The following RAB27B variants were observed in gnomAD, a reference collection of about 807,000 sequenced individuals.
RAB27B encodes the protein ras-related protein Rab-27B.
RAB27B carries 15 observed loss-of-function variants against 24.6 expected under a neutral mutation model. That is an observed-to-expected ratio of 0.61 (90% CI 0.41 to 0.94). The LOEUF is 0.94. Ranked by LOEUF, RAB27B falls within the 40% of genes least tolerant of loss-of-function variation. RAB27B has a pLI of 0.00. For synonymous variants in RAB27B, 105 were observed against 92.5 expected (o/e 1.14, Z -0.78); for missense variants, 261 against 266.8 (o/e 0.98, Z 0.15).
intron 2 of RAB27B, among the ~76,000 whole-genome samples, chr18:54,794,581 GT>G (rs1280096937): frequency 2.6e-5 from 4 of 152,190 alleles, no homozygotes; most frequent in African/African-American, 9.7e-5. Flanking sequence ...ATACTGATGT[GT>G]GTATTTGATC....
chr18:54,867,550 G>A (rs1011548400), intron 1 of RAB27B, among the ~76,000 whole-genome samples: 1 of 148,468 alleles, frequency 6.7e-6, no homozygotes, highest in African/African-American at 2.5e-5. Context: ...GGGTTCAAGC[G>A]ATTCTTCTGC....
intron 1 of RAB27B, among the ~76,000 whole-genome samples, chr18:54,845,329 C>A (rs1413954798): frequency 1.3e-5 from 2 of 149,168 alleles, no homozygotes; most frequent in African/African-American, 4.9e-5. Flanking sequence ...ATCACTTAAA[C>A]CCAGGAGACA....
chr18:54,861,045 A>G (rs1025795946), intron 1 of RAB27B, among the ~76,000 whole-genome samples: 2 of 152,194 alleles, frequency 1.3e-5, no homozygotes, highest in Non-Finnish European at 2.9e-5. Flanking sequence ...ATTTTCATAG[A>G]TATTTGCCTA....
intron 2 of RAB27B, among the ~76,000 whole-genome samples, chr18:54,738,236 T>A (rs575133369): frequency 1.3e-5 from 2 of 152,312 alleles, no homozygotes; most frequent in East Asian, 3.9e-4. Context: ...CACATAAGAA[T>A]AACTGGAAAA....
At chr18:54,784,354 A>T (rs1909012987) in intron 2 of RAB27B, among the ~76,000 whole-genome samples, 1 of 152,132 alleles carries the variant, frequency 6.6e-6, no homozygotes, top group African/African-American at 2.4e-5. Flanking sequence ...TTACATGGGT[A>T]TATTACATGA....
chr18:54,836,679 C>T (rs936542130), intron 1 of RAB27B, among the ~76,000 whole-genome samples: 1 of 151,846 alleles, frequency 6.6e-6, no homozygotes, highest in African/African-American at 2.4e-5. Flanking sequence ...ACTTATTTTT[C>T]AGGAATCATG....
At position 54,882,597 on chromosome 18, in the gene RAB27B, T is replaced by G. The variant is rs186666480; in HGVS notation, c.240-1736T>G. Among the ~76,000 whole-genome samples, 69 of 152,268 alleles carry G rather than the reference T, an allele frequency of 4.5e-4. 1 individual carries two copies. Among genetic ancestry groups the G allele is most frequent in the African/African-American group, 1.4e-3 (58 of 41,550 alleles). The stretch of plus-strand genomic sequence containing the variant: ...TATTTGCTCATGCACAATGTATGAG[T>G]GAGTGCTATCCAGGCTCAACGAAGG... On this transcript the variant is annotated intron_variant, in intron 3 of 5. Transcript: ENST00000262094.
At chr18:54,851,796 G>T (rs761026505) in intron 1 of RAB27B, among the ~76,000 whole-genome samples, 1 of 151,952 alleles carries the variant, frequency 6.6e-6, no homozygotes, top group African/African-American at 2.4e-5. Flanking sequence ...TTGGGCAACA[G>T]TATTTTTTTC....
intron 2 of RAB27B, among the ~76,000 whole-genome samples, chr18:54,774,997 C>T (rs918734826): frequency 2.6e-5 from 4 of 152,078 alleles, no homozygotes; most frequent in African/African-American, 9.7e-5. Context: ...TGAATAAACA[C>T]AAAAAAAGCC....
At chr18:54,846,708 T>G (rs1368875257) in intron 1 of RAB27B, among the ~76,000 whole-genome samples, 1 of 152,228 alleles carries the variant, frequency 6.6e-6, no homozygotes, top group Non-Finnish European at 1.5e-5. Context: ...AAAGCAAATA[T>G]ATCAGATTTT....
intron 3 of RAB27B, among the ~76,000 whole-genome samples, chr18:54,883,390 G>A (rs534668357): frequency 6.6e-6 from 1 of 152,230 alleles, no homozygotes; most frequent in East Asian, 1.9e-4. Flanking sequence ...GGCTAAAATA[G>A]GAGACCAAAA....
At chr18:54,850,676 T>G (rs1289534850) in intron 1 of RAB27B, among the ~76,000 whole-genome samples, 4 of 151,536 alleles carry the variant, frequency 2.6e-5, no homozygotes, top group Non-Finnish European at 4.4e-5. Context: ...TCAGAATGTA[T>G]TTTTTTGCCA....
chr18:54,850,333 G>GAGATATATATATATATAT (rs869079784), intron 1 of RAB27B, among the ~76,000 whole-genome samples: 10 of 95,172 alleles, frequency 1.1e-4, no homozygotes, highest in African/African-American at 4.2e-4. Flanking sequence ...AAACAAACAG[G>GAGATATATATATATATAT]ATATATATAT....
At chr18:54,761,229 A>G (rs1908178656) in intron 2 of RAB27B, among the ~76,000 whole-genome samples, 1 of 152,108 alleles carries the variant, frequency 6.6e-6, no homozygotes, top group Non-Finnish European at 1.5e-5. Context: ...TAGACTCTTT[A>G]AGATGTAAGT....
intron 1 of RAB27B, among the ~76,000 whole-genome samples, chr18:54,829,665 A>G (rs1910600764): frequency 6.6e-6 from 1 of 152,238 alleles, no homozygotes; most frequent in South Asian, 2.1e-4. Flanking sequence ...TAGAATATAC[A>G]GGGTTTTATG....
chr18:54,875,315 A>G (rs977779148), intron 1 of RAB27B, among the ~76,000 whole-genome samples: 1 of 152,178 alleles, frequency 6.6e-6, no homozygotes, highest in Non-Finnish European at 1.5e-5. Flanking sequence ...TGACAGAGTG[A>G]GATCCTGTCT....
intron 3 of RAB27B, among the ~76,000 whole-genome samples, chr18:54,881,717 C>A (rs1912931690): frequency 1.3e-5 from 2 of 152,054 alleles, no homozygotes. Context: ...TACTTGTCTC[C>A]CCGTGGGGGA....
At chr18:54,778,302 G>A (rs1395874944) in intron 2 of RAB27B, among the ~76,000 whole-genome samples, 1 of 151,902 alleles carries the variant, frequency 6.6e-6, no homozygotes, top group Non-Finnish European at 1.5e-5. Context: ...ATCCTCCACT[G>A]TTTCTCCACG....
At chr18:54,740,843 T>C (rs1910049324) in intron 2 of RAB27B, among the ~76,000 whole-genome samples, 1 of 152,138 alleles carries the variant, frequency 6.6e-6, no homozygotes. Context: ...GATAGATCGA[T>C]AGATAGATAA....
Sources: gnomAD v4.1 joint callset for allele counts (sites outside exome capture counted in the v4.1 genomes callset) on GRCh38, gnomAD v4.1.1 for gene constraint, MANE v1.5 for transcripts, NCBI Gene and HGNC (gene_info 2026-07-23, HGNC 2026-07-21) for gene names.